ZDHHC2: variants seen among roughly 807,000 people sequenced by gnomAD.
ZDHHC2 encodes palmitoyltransferase ZDHHC2.
A neutral mutation model predicts 55.6 loss-of-function variants in ZDHHC2; 51 were observed. That is an observed-to-expected ratio of 0.92 (90% CI 0.73 to 1.16). The LOEUF is 1.16. Among genes scored for constraint, ZDHHC2 ranks in the 50% most tolerant of loss-of-function variants. The pLI is 0.00. For synonymous variants in ZDHHC2, 199 were observed against 152.9 expected, an observed-to-expected ratio of 1.30 and a Z score of -2.22; for missense variants, 491 against 442.4, an observed-to-expected ratio of 1.11 and a Z score of -0.99.
In ZDHHC2 at chr8:17,215,227, T is replaced by C; in HGVS notation, c.951-10T>C. ...ATGATGATTTTGATGATTATTCAATTATTATTCAGTCTCGAAAACCATCAG... is the reference window on the plus strand; with the variant it reads ...ATGATGATTTTGATGATTATTCAATCATTATTCAGTCTCGAAAACCATCAG... On this transcript the variant is annotated splice_polypyrimidine_tract_variant and intron_variant, in intron 10 of 12. Transcript: ENST00000262096. 6.4e-7 allele frequency: 1 copy of C among 1,561,382 alleles called. No individual in the cohort carries two copies.
chr8:17,171,079 T>C (rs980249389), intron 1 of ZDHHC2, among the ~76,000 whole-genome samples: 2 of 152,158 alleles, frequency 1.3e-5, no homozygotes, highest in African/African-American at 2.4e-5. Context: ...CTTACATGGT[T>C]CTACTGAGTC....
chr8:17,197,749 T>G (rs1806395009), intron 5 of ZDHHC2, 98 bp downstream of exon 5: 2 of 1,286,086 alleles, frequency 1.6e-6, no homozygotes, highest in Non-Finnish European at 2.2e-6. Context: ...CTTCTCCATA[T>G]TCTCGCTTCT....
chr8:17,185,852 A>G (rs1805680493), intron 2 of ZDHHC2, among the ~76,000 whole-genome samples: 1 of 152,232 alleles, frequency 6.6e-6, no homozygotes, highest in Non-Finnish European at 1.5e-5. Context: ...TTCTCCATTT[A>G]AATGTGTTAT....
At chr8:17,186,254 A>G in intron 2 of ZDHHC2, 77 bp from the exon 3 acceptor site, 1 of 926,942 alleles carries the variant, frequency 1.1e-6, no homozygotes, top group East Asian at 2.9e-5. Context: ...TTTTAAAACA[A>G]GCAGATCGGT....
At chr8:17,195,380 G>T (rs1031968221) in intron 3 of ZDHHC2, 124 bp from the exon 4 acceptor site, 7 of 1,147,866 alleles carry the variant, frequency 6.1e-6, no homozygotes, top group East Asian at 5.3e-5. Context: ...AAACTCTATT[G>T]TCTCTTTGAA....
Position 17,217,189 on chromosome 8 carries a change from T to G in ZDHHC2, c.1081T>G (p.Leu361Val). Residue 361 changes from leucine (L) to valine (V), a missense_variant, in exon 12 of 13, where the codon TTA becomes GTA. By Grantham distance (32) the Leu-to-Val change is conservative. Transcript: ENST00000262096. ...TCATTAAGGTATGAGCAATCCTGCATTAACCATGGAAAATGAGACTTAACT... is the reference window on the plus strand; with the variant it reads ...TCATTAAGGTATGAGCAATCCTGCAGTAACCATGGAAAATGAGACTTAACT... ...KCKAGMSNPA[L>V]TMENET 1 of 1,611,580 alleles carries G rather than the reference T, an allele frequency of 6.2e-7. No individual in the cohort carries two copies. Among genetic ancestry groups the G allele is most frequent in the Non-Finnish European group, 8.5e-7 (1 of 1,178,636 alleles).
chr8:17,202,200 C>T (rs766690426), intron 6 of ZDHHC2, among the ~76,000 whole-genome samples: 6 of 152,244 alleles, frequency 3.9e-5, no homozygotes, highest in South Asian at 2.1e-4. Context: ...CTTTTAACAG[C>T]GACAGAAGTA....
At chr8:17,175,018 C>T (rs1250740325) in intron 1 of ZDHHC2, among the ~76,000 whole-genome samples, 1 of 152,166 alleles carries the variant, frequency 6.6e-6, no homozygotes, top group Non-Finnish European at 1.5e-5. Context: ...TGAGCCACCG[C>T]ACCCAGTCAC....
At chr8:17,162,036 T>C (rs374298743) in intron 1 of ZDHHC2, among the ~76,000 whole-genome samples, 15 of 152,186 alleles carry the variant, frequency 9.9e-5, no homozygotes, top group Admixed American at 2.6e-4. Flanking sequence ...AAACATGATA[T>C]GTTCCAAACT....
intron 9 of ZDHHC2, 89 bp downstream of exon 9, chr8:17,210,147 C>A: frequency 1.4e-6 from 2 of 1,394,586 alleles, no homozygotes; most frequent in Non-Finnish European, 1.9e-6. Context: ...GTTCCATAGG[C>A]TTGTAATTCT....
At chr8:17,203,342 T>G (rs540588263) in intron 6 of ZDHHC2, among the ~76,000 whole-genome samples, 1 of 152,144 alleles carries the variant, frequency 6.6e-6, no homozygotes, top group Non-Finnish European at 1.5e-5. Flanking sequence ...GTGCTTCTCC[T>G]GCCTCTGCCT....
chr8:17,210,285 C>A, intron 9 of ZDHHC2, 103 bp from the exon 10 acceptor site: 2 of 1,226,702 alleles, frequency 1.6e-6, no homozygotes, highest in Non-Finnish European at 2.3e-6. Context: ...ATTTTTTTTG[C>A]CTAGAGTATA....
intron 1 of ZDHHC2, among the ~76,000 whole-genome samples, chr8:17,180,267 A>G (rs1477851846): frequency 6.6e-6 from 1 of 152,202 alleles, no homozygotes; most frequent in Non-Finnish European, 1.5e-5. Context: ...GCACATCAAG[A>G]TCGAAGTTTT....
intron 1 of ZDHHC2, among the ~76,000 whole-genome samples, chr8:17,161,169 T>C (rs1049588152): frequency 2.9e-4 from 44 of 152,216 alleles, no homozygotes; most frequent in African/African-American, 8.4e-4. Flanking sequence ...CTACCATTCA[T>C]TGAAGGCCAC....
intron 10 of ZDHHC2, among the ~76,000 whole-genome samples, chr8:17,214,149 A>G (rs976291837): frequency 6.6e-6 from 1 of 152,212 alleles, no homozygotes; most frequent in Non-Finnish European, 1.5e-5. Flanking sequence ...AACATCACTA[A>G]TAGTTTCTAT....
intron 7 of ZDHHC2, among the ~76,000 whole-genome samples, chr8:17,207,104 G>A (rs12156099): frequency 3.3e-5 from 5 of 152,108 alleles, no homozygotes; most frequent in Admixed American, 1.3e-4. Context: ...CAGAATTTTC[G>A]CTGTCAAAAA....
At chr8:17,161,298 T>G (rs572130645) in intron 1 of ZDHHC2, among the ~76,000 whole-genome samples, 63 of 152,346 alleles carry the variant, frequency 4.1e-4, no homozygotes, top group African/African-American at 1.4e-3. Context: ...TTGCTTTATA[T>G]TATTAATATC....
chr8:17,179,405 TTTC>T (rs1350145566), intron 1 of ZDHHC2, among the ~76,000 whole-genome samples: 3 of 152,142 alleles, frequency 2.0e-5, no homozygotes, highest in African/African-American at 4.8e-5. Flanking sequence ...GTTTTCTTTA[TTTC>T]TTCTTCTTTT....
chr8:17,205,777 T>TA lies in ZDHHC2; in HGVS notation c.597+4dup. On this transcript the variant is annotated splice_region_variant and intron_variant, in intron 7 of 12. Coordinates refer to ENST00000262096, the MANE Select transcript of ZDHHC2 (RefSeq NM_016353.5). ...CAGTATTTTATCAAATTTTGGACAG[T>TA]AAGTCATTAACTTGGTAACTCTTTT... The TA allele has an allele frequency of 1.3e-6, 2 of 1,598,526 alleles. No individual in the cohort carries two copies. The highest frequency in any genetic ancestry group is 4.5e-5 in the East Asian group (2 of 44,514).
Sources: gnomAD v4.1 joint callset for allele counts (sites outside exome capture counted in the v4.1 genomes callset) on GRCh38, gnomAD v4.1.1 for gene constraint, MANE v1.5 for transcripts, NCBI Gene and HGNC (gene_info 2026-07-23, HGNC 2026-07-21) for gene names.